Variants in OR3A3 observed in about 807,000 individuals in gnomAD.
OR3A3 encodes olfactory receptor family 3 subfamily A member 3, also known as olfactory receptor 3A3.
For synonymous variants in OR3A3, 103 were observed against 163.9 expected, an observed-to-expected ratio of 0.63 and a Z score of 2.84; for missense variants, 275 against 391.4, an observed-to-expected ratio of 0.70 and a Z score of 2.51.
In OR3A3 at chr17:3,415,765, C is replaced by T. The variant is rs575863010; in HGVS notation, c.-7+3594C>T. ...ATGATGCTGTCTTTGGAGTTTAGTT[C>T]GTTTTATTTTATTTTTTATTTACTT... is the stretch of plus-strand genomic sequence containing the variant. On this transcript the variant is annotated intron_variant, in intron 2 of 2. Transcript: ENST00000641141. Among the ~76,000 whole-genome samples, 13 of 145,262 alleles carry T rather than the reference C, an allele frequency of 8.9e-5. No individual in the cohort carries two copies. In the East Asian group the frequency reaches 2.0e-3, roughly 22 times the overall value.
At chr17:3,419,624 C>A (rs564191132) in intron 2 of OR3A3, among the ~76,000 whole-genome samples, 2 of 152,022 alleles carry the variant, frequency 1.3e-5, no homozygotes, top group Admixed American at 6.6e-5. Flanking sequence ...CACTGTACCC[C>A]ATAAATATAC....
At chr17:3,421,229 T>A in exon 3 of OR3A3, 1 of 1,614,178 alleles carries the variant, frequency 6.2e-7, no homozygotes, top group East Asian at 2.2e-5. Flanking sequence ...GCACCCTTGG[T>A]CTTCATCAGT....
In OR3A3 at chr17:3,418,341, A is replaced by G. The variant is rs1328295142; in HGVS notation, c.-6-2239A>G. 2.6e-5 allele frequency among the ~76,000 whole-genome samples: 4 copies of G among 152,142 alleles called. No individual in the cohort carries two copies. In the East Asian group the frequency reaches 7.7e-4, roughly 29 times the overall value. ...AGAGGTTTTTGCTGGGGACAGGTGC[A>G]TGTCTTGATTCACGGTTGTTTTTGA... On this transcript the variant is annotated intron_variant, in intron 2 of 2. Transcript: ENST00000641141.
chr17:3,420,163 T>G (rs2072420992), intron 2 of OR3A3, among the ~76,000 whole-genome samples: 1 of 152,124 alleles, frequency 6.6e-6, no homozygotes, highest in Non-Finnish European at 1.5e-5. Context: ...CCACATGAAG[T>G]TACGAGATAC....
intron 2 of OR3A3, among the ~76,000 whole-genome samples, chr17:3,414,361 A>G (rs2072378947): frequency 1.3e-5 from 2 of 152,196 alleles, no homozygotes; most frequent in South Asian, 2.1e-4. Flanking sequence ...GTGAGCCACC[A>G]TGGCCGGCCA....
rs185283493 is a variant in OR3A3, at chr17:3,421,395, T to G, written c.810T>G (p.Ser270=). The G allele has an allele frequency of 1.4e-4, 226 of 1,614,140 alleles. No individual in the cohort carries two copies. The East Asian group carries it at 4.8e-3, about 34-fold the overall frequency. Reference sequence around the variant, plus strand: ...ACATGAGGCTGGGTTCAGTGGAATCTTCAGACAAGGATAAGGGGGTTGGGG... The same window carrying G: ...ACATGAGGCTGGGTTCAGTGGAATCGTCAGACAAGGATAAGGGGGTTGGGG... Residue 270 remains serine (S), a synonymous_variant, in exon 3 of 3, where the codon TCT becomes TCG. Coordinates refer to ENST00000641141, the Ensembl canonical transcript of OR3A3.
rs544040307 is a variant in OR3A3 at position 3,419,981 on chromosome 17, A to C, written c.-6-599A>C. Among the ~76,000 whole-genome samples, 16 of 152,110 alleles carry C rather than the reference A, an allele frequency of 1.1e-4. No individual in the cohort carries two copies. In the South Asian group the frequency reaches 2.5e-3, roughly 24 times the overall value. ...ACGGGGTTTCGCTGTGTTAGCCAGG[A>C]TGGTCTCAATCTCCTGACCTCGTGA... On this transcript the variant is annotated intron_variant, in intron 2 of 2. Transcript: ENST00000641141.
chr17:3,421,298 A>C (rs768018144), exon 3 of OR3A3: 1 of 1,614,230 alleles, frequency 6.2e-7, no homozygotes, highest in South Asian at 1.1e-5. Flanking sequence ...GAGGGCAGAA[A>C]GAAGGCCTTC....
At chr17:3,416,447 A>G (rs1567583361) in intron 2 of OR3A3, among the ~76,000 whole-genome samples, 1 of 120,394 alleles carries the variant, frequency 8.3e-6, no homozygotes, top group East Asian at 2.0e-4. Context: ...AGTTATGCAC[A>G]CTTCGCAAAA....
chr17:3,422,475 A>G (rs1046281440), exon 3 of OR3A3: 1 of 152,186 alleles, frequency 6.6e-6, no homozygotes, highest in African/African-American at 2.4e-5. Flanking sequence ...ATTCTCCTCC[A>G]AAGTCTTACT....
intron 2 of OR3A3, among the ~76,000 whole-genome samples, chr17:3,417,610 T>G (rs2072400291): frequency 6.6e-6 from 1 of 152,214 alleles, no homozygotes; most frequent in Admixed American, 6.5e-5. Context: ...TTCTTGAGTT[T>G]TTGAGTGTCC....
chr17:3,421,000 A>C, exon 3 of OR3A3: 2 of 1,613,782 alleles, frequency 1.2e-6, no homozygotes, highest in African/African-American at 2.7e-5. Context: ...CAGCACCCGC[A>C]TGAGTCAGAC....
exon 2 of OR3A3, chr17:3,412,036 G>C (rs912302831): frequency 1.4e-4 from 21 of 151,906 alleles, no homozygotes; most frequent in Non-Finnish European, 2.9e-5. Context: ...GCCCTGTACA[G>C]AGAAGACAGC....
At chr17:3,412,315 T>C (rs1047028351) in intron 2 of OR3A3, 144 bp downstream of exon 2, 1 of 148,104 alleles carries the variant, frequency 6.8e-6, no homozygotes, top group African/African-American at 2.5e-5. Context: ...AGCCCGGAGG[T>C]CCTGGGTTCT....
At chr17:3,421,219 G>T (rs778054768) in exon 3 of OR3A3, 2 of 1,614,196 alleles carry the variant, frequency 1.2e-6, no homozygotes, top group Non-Finnish European at 1.7e-6. Context: ...CATGGCTGTG[G>T]CACCCTTGGT....
chr17:3,421,466 GC>G lies in OR3A3; in HGVS notation c.883del (p.Leu295SerfsTer20). 1 of 1,580,396 alleles carries G rather than the reference GC, an allele frequency of 6.3e-7. No homozygotes were observed. Among genetic ancestry groups the G allele is most frequent in the Non-Finnish European group, 8.6e-7 (1 of 1,162,116 alleles). On this transcript the variant is annotated frameshift_variant, in exon 3 of 3. Transcript: ENST00000641141. LOFTEE classifies it low-confidence loss of function (END_TRUNC). ...CCCATGCTGAACCCACTTATCTACA[GC>G]CTCAGAAATACTGATGTTCAGGGCG...
chr17:3,420,621 T>G, exon 3 of OR3A3: 3 of 1,518,970 alleles, frequency 2.0e-6, no homozygotes, highest in Non-Finnish European at 2.6e-6. Context: ...GGACCGCTGT[T>G]GCTGAGTTCA....
chr17:3,421,183 C>A, exon 3 of OR3A3: 1 of 1,614,238 alleles, frequency 6.2e-7, no homozygotes, highest in East Asian at 2.2e-5. Context: ...ACTCAATGAG[C>A]TGCTGCTCTT....
chr17:3,413,169 A>C (rs1251855287), intron 2 of OR3A3, among the ~76,000 whole-genome samples: 2 of 152,208 alleles, frequency 1.3e-5, no homozygotes, highest in Non-Finnish European at 2.9e-5. Context: ...GTTGCATGAA[A>C]TAATATGTGT....
Sources: gnomAD v4.1 joint callset for allele counts (sites outside exome capture counted in the v4.1 genomes callset) on GRCh38, gnomAD v4.1.1 for gene constraint, MANE v1.5 for transcripts, NCBI Gene and HGNC (gene_info 2026-07-23, HGNC 2026-07-21) for gene names.